Variants in DIP2A observed in about 807,000 individuals in gnomAD.
The protein encoded by DIP2A is DIP2 acetate--CoA ligase A, also known as disco-interacting protein 2 homolog A.
A neutral mutation model predicts 177.4 loss-of-function variants in DIP2A; 85 were observed. That is an observed-to-expected ratio of 0.48 (90% confidence interval 0.40 to 0.57). The LOEUF (loss-of-function observed/expected upper bound fraction) is 0.57, where lower values mean the gene tolerates loss of function less well. Among genes scored for constraint, DIP2A ranks in the 20% least tolerant of loss-of-function variants. The probability of loss-of-function intolerance (pLI) is 0.00; values close to 1 mark genes in which losing one functional copy is unlikely to be tolerated. For synonymous variants in DIP2A, 886 were observed against 881.8 expected (o/e 1.00, Z -0.08); for missense variants, 1,791 against 2,100.2 (o/e 0.85, Z 2.88).
At position 46,484,780 on chromosome 21, in the gene DIP2A, G is replaced by A; in HGVS notation, c.115G>A (p.Glu39Lys). ...SEGDITQKGY[E>K]KKRAKLLARY... ...AGGTGACATCACTCAAAAAGGATAT[G>A]AAAAGAAAAGGGCAAAGCTGCTTGC... The change falls in exon 2 of 38, where the codon GAA becomes AAA. Residue 39 changes from glutamate to lysine, a missense_variant. Transcript: ENST00000417564. 1 of 1,581,142 alleles carries A rather than the reference G, an allele frequency of 6.3e-7. No homozygotes were observed. Among genetic ancestry groups the A allele is most frequent in the Non-Finnish European group, 8.6e-7 (1 of 1,163,360 alleles).
At chr21:46,518,782 A>G (rs970975866) in intron 8 of DIP2A, among the ~76,000 whole-genome samples, 1 of 152,218 alleles carries the variant, frequency 6.6e-6, no homozygotes, top group Non-Finnish European at 1.5e-5. Context: ...GCTTGAACCC[A>G]GGAGGTGGAG....
chr21:46,564,035 G>C, intron 35 of DIP2A, 103 bp downstream of exon 35: 2 of 1,326,372 alleles, frequency 1.5e-6, no homozygotes, highest in African/African-American at 2.9e-5. Flanking sequence ...TTGCCTTTGG[G>C]AATCTACCAG....
chr21:46,554,548 C>T, intron 26 of DIP2A, 27 bp from the exon 27 acceptor site: 1 of 1,606,880 alleles, frequency 6.2e-7, no homozygotes, highest in Non-Finnish European at 8.5e-7. Context: ...CGGCCGGCCT[C>T]CTCACAGCCA....
Position 46,558,285 on chromosome 21 carries a change from G to C in DIP2A, c.3861G>C (p.Arg1287Ser), listed in dbSNP as rs1370625960. The C allele has an allele frequency of 1.2e-6, 2 of 1,612,238 alleles. No individual in the cohort carries two copies. Among genetic ancestry groups the C allele is most frequent in the South Asian group, 2.2e-5 (2 of 90,734 alleles). ...TCMVVAEERP[R>S]IALTQSFSKL... ...TGGTGGTCGCCGAGGAGCGGCCCAG[G>C]ATTGCGCTGACCCAGTCCTTCTCCA... is the stretch of plus-strand genomic sequence containing the variant. Residue 1287 changes from arginine (R) to serine (S), a missense_variant, in exon 32 of 38, where the codon AGG becomes AGC. Coordinates refer to ENST00000417564, the MANE Select transcript of DIP2A (RefSeq NM_015151.4).
rs745584455 is a variant in DIP2A at position 46,558,403 on chromosome 21, C to T, written c.3969+10C>T. 7.0e-6 allele frequency: 10 copies of T among 1,427,076 alleles called. No homozygotes were observed. In the South Asian group the frequency reaches 8.6e-5, roughly 12 times the overall value. 88.4% of individuals were successfully genotyped at this position (1,427,076 alleles called of 1,614,324 possible). Reference sequence around the variant, plus strand: ...GGCCATCTGCCTCCAGGTGAGGTGCCTGGGGCTGCGGTTCTCGAAAGCTGG... The same window carrying T: ...GGCCATCTGCCTCCAGGTGAGGTGCTTGGGGCTGCGGTTCTCGAAAGCTGG... On this transcript the variant is annotated intron_variant, in intron 32 of 37. Coordinates refer to ENST00000417564, the MANE Select transcript of DIP2A (RefSeq NM_015151.4).
At chr21:46,573,673 AAAAAAAAAAAGATAT>A (rs2060979825), downstream of DIP2A, among the ~76,000 whole-genome samples, 1 of 131,670 alleles carries the variant, frequency 7.6e-6, no homozygotes, top group African/African-American at 2.9e-5. Context: ...AAAAAAAAAA[AAAAAAAAAAAGATAT>A]TCCATGCAAA....
intron 8 of DIP2A, among the ~76,000 whole-genome samples, chr21:46,517,741 G>A (rs1402310235): frequency 2.0e-5 from 3 of 152,230 alleles, no homozygotes; most frequent in Admixed American, 6.5e-5. Flanking sequence ...CTGTGCTCTC[G>A]AGACTCCTAG....
At chr21:46,576,484 A>G in the DIP2A span, among the ~76,000 whole-genome samples, 1 of 152,202 alleles carries the variant, frequency 6.6e-6, no homozygotes, top group Non-Finnish European at 1.5e-5. Flanking sequence ...ATAGTATTCC[A>G]TGGTGTAAAT....
At chr21:46,493,420 G>T (rs1601493487) in intron 3 of DIP2A, among the ~76,000 whole-genome samples, 1 of 151,946 alleles carries the variant, frequency 6.6e-6, no homozygotes, top group Non-Finnish European at 1.5e-5. Flanking sequence ...CTCTCTTTTC[G>T]TGAGTGCCTT....
At chr21:46,525,347 G>A (rs1040135110) in intron 8 of DIP2A, among the ~76,000 whole-genome samples, 2 of 152,132 alleles carry the variant, frequency 1.3e-5, no homozygotes, top group Admixed American at 6.5e-5. Context: ...TGGGTTCCCG[G>A]GTTCGTTTCT....
At chr21:46,477,543 T>TTTCGTGTGTGTGTGTG (rs374607636) in intron 1 of DIP2A, among the ~76,000 whole-genome samples, 11 of 87,094 alleles carry the variant, frequency 1.3e-4, no homozygotes, top group African/African-American at 4.7e-4. Context: ...AAAAAAAGAT[T>TTTCGTGTGTGTGTGTG]TGTGTGTGTG....
Position 46,537,439 on chromosome 21 carries a change from C to G in DIP2A, c.1708-7C>G, listed in dbSNP as rs748701660. ...CACTCGCCCTAAGCATGTGTGCTCC[C>G]CCACAGAGCGTCATGAACAGGATGC... is the stretch of plus-strand genomic sequence containing the variant. On this transcript the variant is annotated splice_polypyrimidine_tract_variant and splice_region_variant and intron_variant, in intron 14 of 37. Coordinates refer to ENST00000417564, the MANE Select transcript of DIP2A (RefSeq NM_015151.4). This position sits in a 1 kb window ranked among gnomAD's most constrained non-coding sequence, Gnocchi z 4.1. 3 of 1,614,088 alleles carry G rather than the reference C, an allele frequency of 1.9e-6. No individual in the cohort carries two copies. Among genetic ancestry groups the G allele is most frequent in the Non-Finnish European group, 2.5e-6 (3 of 1,179,970 alleles).
In DIP2A at chr21:46,499,897, C is replaced by T. The variant is rs530279904; in HGVS notation, c.655+1064C>T. Among the ~76,000 whole-genome samples the T allele has an allele frequency of 2.6e-5, 4 of 152,272 alleles. No individual in the cohort carries two copies. In the South Asian group the frequency reaches 8.3e-4, roughly 32 times the overall value. On this transcript the variant is annotated intron_variant, in intron 5 of 37. Coordinates refer to ENST00000417564, the MANE Select transcript of DIP2A (RefSeq NM_015151.4). ...TAAGTGGTGAAGCCAGGGCTGATAC[C>T]AGTTTTCTTGATTCCTATTCATTTT... is the stretch of plus-strand genomic sequence containing the variant.
At position 46,557,678 on chromosome 21, in the gene DIP2A, C is replaced by T. The variant is rs1162437453; in HGVS notation, c.3723C>T (p.Ala1241=). 4 of 1,613,490 alleles carry T rather than the reference C, an allele frequency of 2.5e-6. No homozygotes were observed. In the African/African-American group the frequency reaches 4.0e-5, roughly 16 times the overall value. The change falls in exon 31 of 38, where the codon GCC becomes GCT. Residue 1241 remains alanine, a synonymous_variant. Coordinates refer to ENST00000417564, the MANE Select transcript of DIP2A (RefSeq NM_015151.4). This position sits in a 1 kb window ranked among gnomAD's most constrained non-coding sequence, Gnocchi z 6.0. ...LWLSAVSQYK[A]RVTFCSYSVM... is the part of the protein sequence containing the mutation. ...TGTCGGCCGTCAGCCAGTACAAGGCCCGCGTCACCTTCTGCTCCTACTCTG... is the reference window on the plus strand; with the variant it reads ...TGTCGGCCGTCAGCCAGTACAAGGCTCGCGTCACCTTCTGCTCCTACTCTG...
chr21:46,497,067 T>C lies in DIP2A; in HGVS notation c.363T>C (p.Ser121=). 1 of 1,614,024 alleles carries C rather than the reference T, an allele frequency of 6.2e-7. No homozygotes were observed. The highest frequency in any genetic ancestry group is 8.5e-7 in the Non-Finnish European group (1 of 1,179,890). The change falls in exon 4 of 38, where the codon TCT becomes TCC. Residue 121 remains serine (S), a synonymous_variant. Coordinates refer to ENST00000417564, the MANE Select transcript of DIP2A (RefSeq NM_015151.4). ...RKMPMPSKRR[S]VLVHSSVETY... ...TGCCTATGCCTTCGAAGAGACGTTC[T>C]GTCCTTGTGCATTCGTCTGTGGAAA...
At chr21:46,558,443 G>GC (rs1472847474) in intron 32 of DIP2A, 50 bp downstream of exon 32, 1 of 1,534,722 alleles carries the variant, frequency 6.5e-7, no homozygotes, top group African/African-American at 1.4e-5. Flanking sequence ...TGGCAGCATG[G>GC]AGACCCAGTT....
Position 46,550,628 on chromosome 21 carries a change from T to G in DIP2A, c.2723T>G (p.Ile908Ser). ...TTGCCCAAGGCTCCTCTCGGAGGGA[T>G]TCACATTTCTGAAACCAAACAGCGC... Reference protein sequence around the residue: ...NTLPKAPLGGIHISETKQRFL... With the variant: ...NTLPKAPLGGSHISETKQRFL... The change falls in exon 23 of 38, where the codon ATT becomes AGT. Residue 908 changes from isoleucine (I) to serine (S), a missense_variant. Coordinates refer to ENST00000417564, the MANE Select transcript of DIP2A (RefSeq NM_015151.4). 1 of 1,613,940 alleles carries G rather than the reference T, an allele frequency of 6.2e-7. No homozygotes were observed. The highest frequency in any genetic ancestry group is 1.1e-5 in the South Asian group (1 of 91,056).
intron 1 of DIP2A, among the ~76,000 whole-genome samples, chr21:46,482,945 A>T (rs1045080348): frequency 6.6e-6 from 1 of 152,230 alleles, no homozygotes; most frequent in African/African-American, 2.4e-5. Context: ...TTGAAATTTA[A>T]TAAGTGAAAT....
chr21:46,515,342 G>A (rs1339998368), intron 8 of DIP2A, among the ~76,000 whole-genome samples: 1 of 152,150 alleles, frequency 6.6e-6, no homozygotes, highest in African/African-American at 2.4e-5. Flanking sequence ...GCCCAATCTT[G>A]CTACCTGTCT....
Sources: gnomAD v4.1 joint callset for allele counts (sites outside exome capture counted in the v4.1 genomes callset) on GRCh38, gnomAD v4.1.1 for gene constraint, Gnocchi (gnomAD v3.1) non-coding constraint, MANE v1.5 for transcripts, NCBI Gene and HGNC (gene_info 2026-07-23, HGNC 2026-07-21) for gene names.